NRG3: variants seen among roughly 807,000 people sequenced by gnomAD.
NRG3 encodes the protein pro-neuregulin-3, membrane-bound isoform.
NRG3 carries 31 observed loss-of-function variants against 66.9 expected under a neutral mutation model. The ratio of observed to expected loss-of-function variants is 0.46; its 90% CI spans 0.35 to 0.63. The LOEUF (loss-of-function observed/expected upper bound fraction) is 0.63. Ranked by LOEUF, NRG3 falls within the 20% of genes least tolerant of loss-of-function variation. The probability of loss-of-function intolerance (pLI) is 0.00; values close to 1 mark genes in which losing one functional copy is unlikely to be tolerated. For synonymous variants in NRG3, 393 were observed against 359.4 expected (o/e 1.09, Z -1.06); for missense variants, 910 against 878.9 (o/e 1.04, Z -0.45).
intron 3 of NRG3, among the ~76,000 whole-genome samples, chr10:82,811,514 A>T (rs2061491960): frequency 6.6e-6 from 1 of 152,260 alleles, no homozygotes; most frequent in Non-Finnish European, 1.5e-5. Flanking sequence ...CTACCTTCCT[A>T]TTAGATTCTA....
intron 1 of NRG3, among the ~76,000 whole-genome samples, chr10:82,239,130 T>C (rs1054851332): frequency 2.6e-5 from 4 of 151,872 alleles, no homozygotes; most frequent in African/African-American, 9.7e-5. Flanking sequence ...TACGATCTAT[T>C]AAACAATTAA....
intron 1 of NRG3, among the ~76,000 whole-genome samples, chr10:82,294,621 A>C (rs1278245878): frequency 2.6e-5 from 4 of 152,130 alleles, no homozygotes; most frequent in African/African-American, 9.7e-5. Context: ...TACTACTTTA[A>C]AATCTGCATC....
chr10:82,340,656 A>G (rs1289435214), intron 1 of NRG3: 1 of 152,220 alleles, frequency 6.6e-6, no homozygotes, highest in Non-Finnish European at 1.5e-5. Flanking sequence ...TGTGACAGAG[A>G]AAGTAATAGA....
chr10:81,996,119 A>T (rs768416), intron 1 of NRG3, among the ~76,000 whole-genome samples: 49,177 of 152,104 alleles, frequency 0.32, 9,514 homozygotes, highest in East Asian at 0.77. Context: ...GGAAATTTTT[A>T]AAAATATCAC....
At chr10:82,340,296 C>T (rs933069938) in intron 1 of NRG3, among the ~76,000 whole-genome samples, 2 of 152,134 alleles carry the variant, frequency 1.3e-5, no homozygotes, top group African/African-American at 2.4e-5. Flanking sequence ...GCATAAAATG[C>T]GGAGCCACCA....
At chr10:82,688,186 A>G (rs545818445) in intron 2 of NRG3, among the ~76,000 whole-genome samples, 17 of 152,328 alleles carry the variant, frequency 1.1e-4, no homozygotes, top group African/African-American at 3.8e-4. Context: ...TTACTTCACT[A>G]CATGTACATC....
chr10:82,139,404 A>G (rs1435871984), intron 1 of NRG3, among the ~76,000 whole-genome samples: 5 of 152,190 alleles, frequency 3.3e-5, no homozygotes, highest in Non-Finnish European at 5.9e-5. Flanking sequence ...GCTTAATGCC[A>G]TTATACCACG....
chr10:82,984,671 C>A, intron 8 of NRG3: 1 of 1,101,628 alleles, frequency 9.1e-7, no homozygotes, highest in Non-Finnish European at 1.3e-6. Context: ...TAACCCAGGG[C>A]TGAGAGGGTG....
chr10:82,856,022 A>T (rs1464553409), intron 3 of NRG3, among the ~76,000 whole-genome samples: 3 of 152,136 alleles, frequency 2.0e-5, no homozygotes, highest in Non-Finnish European at 4.4e-5. Context: ...ATTGGAATGT[A>T]CTTTGATTTG....
intron 2 of NRG3, among the ~76,000 whole-genome samples, chr10:82,363,376 G>A (rs1001132212): frequency 1.3e-5 from 2 of 152,132 alleles, no homozygotes; most frequent in African/African-American, 4.8e-5. Flanking sequence ...ACTACTTGAG[G>A]GAGTGCACTT....
intron 2 of NRG3, among the ~76,000 whole-genome samples, chr10:82,570,675 CA>C (rs2045674308): frequency 6.6e-6 from 1 of 151,556 alleles, no homozygotes; most frequent in South Asian, 2.1e-4. Flanking sequence ...TGCTTAAAAA[CA>C]GTTAAGATTG....
intron 2 of NRG3, among the ~76,000 whole-genome samples, chr10:82,460,762 G>T (rs189892376): frequency 6.6e-6 from 1 of 152,258 alleles, no homozygotes; most frequent in Admixed American, 6.5e-5. Flanking sequence ...TGCAGTCCCT[G>T]TGTGACCCTG....
chr10:82,174,896 T>G (rs576041526), intron 1 of NRG3, among the ~76,000 whole-genome samples: 1 of 152,162 alleles, frequency 6.6e-6, no homozygotes, highest in Non-Finnish European at 1.5e-5. Context: ...GAAGCCTATT[T>G]AAGCCCCATG....
chr10:82,953,894 G>A (rs937396020), intron 5 of NRG3, among the ~76,000 whole-genome samples: 5 of 150,692 alleles, frequency 3.3e-5, no homozygotes, highest in Admixed American at 3.3e-4. Context: ...GGAGGTGGAG[G>A]TTGCAGTGAG....
chr10:82,291,662 G>T (rs1227989248), intron 1 of NRG3, among the ~76,000 whole-genome samples: 1 of 152,106 alleles, frequency 6.6e-6, no homozygotes, highest in African/African-American at 2.4e-5. Context: ...ACACCAATTT[G>T]CCCACATGAT....
At chr10:82,381,977 T>C (rs2085648899) in intron 2 of NRG3, among the ~76,000 whole-genome samples, 1 of 152,218 alleles carries the variant, frequency 6.6e-6, no homozygotes, top group South Asian at 2.1e-4. Context: ...TGCCATTTCA[T>C]ATTGCTTTAA....
chr10:82,660,345 C>T (rs2052257756), intron 2 of NRG3, among the ~76,000 whole-genome samples: 1 of 148,358 alleles, frequency 6.7e-6, no homozygotes, highest in African/African-American at 2.5e-5. Context: ...AGTGTTAAAA[C>T]ATTTGGCCCC....
At chr10:82,020,522 G>A (rs926743669) in intron 1 of NRG3, among the ~76,000 whole-genome samples, 1 of 152,042 alleles carries the variant, frequency 6.6e-6, no homozygotes, top group Admixed American at 6.6e-5. Context: ...GGGATAGTGA[G>A]GTATACACGA....
intron 2 of NRG3, among the ~76,000 whole-genome samples, chr10:82,415,796 C>G (rs1027010084): frequency 1.3e-5 from 2 of 152,118 alleles, no homozygotes; most frequent in African/African-American, 4.8e-5. Flanking sequence ...TCCCCTTCCC[C>G]TAATCATAAA....
Sources: allele counts gnomAD v4.1 joint callset (sites outside exome capture counted in the v4.1 genomes callset), GRCh38; gene constraint gnomAD v4.1.1; transcripts MANE v1.5; gene names NCBI Gene and HGNC (gene_info 2026-07-23, HGNC 2026-07-21).